The following CNTNAP2 variants were observed in gnomAD, a reference collection of about 807,000 sequenced individuals.
CNTNAP2 encodes contactin associated protein 2.
A neutral mutation model predicts 155.2 loss-of-function variants in CNTNAP2; 98 were observed. The observed-to-expected ratio is 0.63, with a 90% CI of 0.54 to 0.75. The LOEUF (loss-of-function observed/expected upper bound fraction) is 0.75. Ranked by LOEUF, CNTNAP2 falls within the 30% of genes least tolerant of loss-of-function variation. CNTNAP2 has a pLI of 0.00. For synonymous variants in CNTNAP2, 651 were observed against 631.2 expected (o/e 1.03, Z -0.47); for missense variants, 1,727 against 1,688.1 (o/e 1.02, Z -0.40).
chr7:147,904,900 T>TACACACACACACAC (rs58242194), intron 14 of CNTNAP2, among the ~76,000 whole-genome samples: 4 of 149,086 alleles, frequency 2.7e-5, no homozygotes, highest in Admixed American at 6.7e-5. Context: ...AAGATGTATC[T>TACACACACACACAC]ACACACACAC....
intron 1 of CNTNAP2, among the ~76,000 whole-genome samples, chr7:146,247,706 A>G (rs1257488388): frequency 6.6e-6 from 1 of 152,156 alleles, no homozygotes; most frequent in Non-Finnish European, 1.5e-5. Flanking sequence ...TCGAGTTTGT[A>G]TTGGGGTCAA....
At chr7:147,252,343 T>G (rs538402495) in intron 8 of CNTNAP2, among the ~76,000 whole-genome samples, 1 of 152,312 alleles carries the variant, frequency 6.6e-6, no homozygotes, top group African/African-American at 2.4e-5. Flanking sequence ...GCTCAAGTGT[T>G]TTATTAGGAA....
intron 14 of CNTNAP2, among the ~76,000 whole-genome samples, chr7:147,950,087 T>C (rs976686109): frequency 2.0e-5 from 3 of 152,064 alleles, no homozygotes; most frequent in South Asian, 4.1e-4. Flanking sequence ...GTTCTGTAGA[T>C]AGCCCTGCAG....
At chr7:146,264,502 C>T (rs947863066) in intron 1 of CNTNAP2, among the ~76,000 whole-genome samples, 6 of 151,628 alleles carry the variant, frequency 4.0e-5, no homozygotes, top group Admixed American at 3.3e-4. Flanking sequence ...AGTAATCTAT[C>T]CAGTAAATTG....
chr7:146,635,118 T>C (rs561004279), intron 1 of CNTNAP2, among the ~76,000 whole-genome samples: 119 of 151,954 alleles, frequency 7.8e-4, no homozygotes, highest in African/African-American at 2.8e-3. Context: ...CGTCCAGGAA[T>C]AAGCACAAGG....
intron 11 of CNTNAP2, among the ~76,000 whole-genome samples, chr7:147,499,013 C>G (rs1337192636): frequency 6.6e-6 from 1 of 152,116 alleles, no homozygotes; most frequent in African/African-American, 2.4e-5. Flanking sequence ...CCAGCAGTCT[C>G]TCTGTTGAGC....
chr7:147,617,279 A>G (rs187889399), intron 12 of CNTNAP2, among the ~76,000 whole-genome samples: 9 of 152,192 alleles, frequency 5.9e-5, no homozygotes, highest in Admixed American at 2.0e-4. Context: ...CTGTTTTAGC[A>G]CTTGTTTCTA....
At chr7:147,094,793 G>T (rs1292912452) in intron 4 of CNTNAP2, among the ~76,000 whole-genome samples, 1 of 152,022 alleles carries the variant, frequency 6.6e-6, no homozygotes, top group South Asian at 2.1e-4. Context: ...GACTCTACTT[G>T]AGTAGCAATT....
chr7:147,110,810 A>G (rs1229028757), intron 5 of CNTNAP2, among the ~76,000 whole-genome samples: 1 of 152,130 alleles, frequency 6.6e-6, no homozygotes, highest in Non-Finnish European at 1.5e-5. Flanking sequence ...TGTCTTTGCT[A>G]TTGTGAATAG....
chr7:146,970,900 T>C (rs968384556), intron 3 of CNTNAP2, among the ~76,000 whole-genome samples: 1 of 152,166 alleles, frequency 6.6e-6, no homozygotes, highest in Non-Finnish European at 1.5e-5. Context: ...GATGCGTTCA[T>C]GTCCTTTGTA....
intron 2 of CNTNAP2, among the ~76,000 whole-genome samples, chr7:146,838,725 A>G (rs1337584717): frequency 6.6e-6 from 1 of 152,232 alleles, no homozygotes; most frequent in African/African-American, 2.4e-5. Flanking sequence ...ATCTGTGATG[A>G]TTTATGAAAT....
chr7:147,564,999 G>A (rs1408687482), intron 12 of CNTNAP2, among the ~76,000 whole-genome samples: 1 of 152,154 alleles, frequency 6.6e-6, no homozygotes, highest in Non-Finnish European at 1.5e-5. Context: ...CATAAAGAGA[G>A]CATGATGCCA....
intron 1 of CNTNAP2, among the ~76,000 whole-genome samples, chr7:146,302,352 A>G (rs1563028307): frequency 6.6e-6 from 1 of 152,174 alleles, no homozygotes; most frequent in East Asian, 1.9e-4. Flanking sequence ...CAACTTGTCA[A>G]CTAAGTTAGT....
At chr7:148,077,265 C>T (rs1343318822) in intron 15 of CNTNAP2, among the ~76,000 whole-genome samples, 1 of 151,722 alleles carries the variant, frequency 6.6e-6, no homozygotes, top group Non-Finnish European at 1.5e-5. Context: ...CGAGATCACG[C>T]CATTGCACTC....
intron 9 of CNTNAP2, among the ~76,000 whole-genome samples, chr7:147,373,950 A>G (rs1030422470): frequency 2.0e-5 from 3 of 151,974 alleles, no homozygotes; most frequent in African/African-American, 7.2e-5. Context: ...TTACAGATAA[A>G]TTTATCAGGA....
chr7:146,734,821 G>A (rs1801584144), intron 1 of CNTNAP2, among the ~76,000 whole-genome samples: 1 of 152,026 alleles, frequency 6.6e-6, no homozygotes, highest in African/African-American at 2.4e-5. Context: ...AAGGAATCTC[G>A]ATGTGTTTTC....
intron 4 of CNTNAP2, among the ~76,000 whole-genome samples, chr7:147,061,097 T>G (rs1193276389): frequency 7.3e-6 from 1 of 137,550 alleles, no homozygotes; most frequent in Non-Finnish European, 1.5e-5. Context: ...ATCAAAGAGT[T>G]GAGCGGTGGG....
intron 21 of CNTNAP2, among the ~76,000 whole-genome samples, chr7:148,331,724 T>TGGAG (rs1563045945): frequency 5.7e-4 from 17 of 29,692 alleles, no homozygotes; most frequent in East Asian, 1.8e-3. Flanking sequence ...GACGGATGGA[T>TGGAG]TGGATGGATG....
intron 1 of CNTNAP2, among the ~76,000 whole-genome samples, chr7:146,759,104 ATCTG>A (rs1802041170): frequency 2.7e-5 from 4 of 146,258 alleles, no homozygotes; most frequent in African/African-American, 7.5e-5. Flanking sequence ...TTTTCATAAA[ATCTG>A]TCTGAAAACA....
Sources: allele counts gnomAD v4.1 joint callset (sites outside exome capture counted in the v4.1 genomes callset), GRCh38; gene constraint gnomAD v4.1.1; transcripts MANE v1.5; gene names NCBI Gene and HGNC (gene_info 2026-07-23, HGNC 2026-07-21).